Variants in PMP22 observed in about 807,000 individuals in gnomAD.
The protein encoded by PMP22 is peripheral myelin protein 22, also known as Charcot-Marie-Tooth neuropathy 1A (greatly reduced nerve conduction velocity, hereditary motor sensory neuropathy Ia).
PMP22 carries 2 observed loss-of-function variants against 18.9 expected under a neutral mutation model. The ratio of observed to expected loss-of-function variants is 0.11; its 90% confidence interval spans 0.04 to 0.33. The LOEUF (loss-of-function observed/expected upper bound fraction) is 0.33. Among genes scored for constraint, PMP22 ranks in the 10% least tolerant of loss-of-function variants. The pLI is 1.00. For missense variants in PMP22, 169 were observed against 202.2 expected, an observed-to-expected ratio of 0.84 and a Z score of 1.00; for synonymous variants, 95 against 89.2, an observed-to-expected ratio of 1.07 and a Z score of -0.37.
intron 3 of PMP22, among the ~76,000 whole-genome samples, chr17:15,242,693 A>G (rs914336145): frequency 6.6e-6 from 1 of 152,180 alleles, no homozygotes; most frequent in Non-Finnish European, 1.5e-5. Context: ...TAGATTACAT[A>G]AGAGGATTAA....
intron 3 of PMP22, among the ~76,000 whole-genome samples, chr17:15,244,910 A>G (rs1285844737): frequency 1.3e-5 from 2 of 152,198 alleles, no homozygotes; most frequent in Non-Finnish European, 2.9e-5. Context: ...ATTAAAACCA[A>G]TTTAAAAGAT....
Position 15,229,927 on chromosome 17 carries a change from T to G in PMP22, c.*990A>C, listed in dbSNP as rs1906164358. 6.6e-6 allele frequency: 1 copy of G among 152,618 alleles called. No homozygotes were observed. Among genetic ancestry groups the G allele is most frequent in the Non-Finnish European group, 1.5e-5 (1 of 68,060 alleles). The allele number at this position is 152,618 out of a possible 1,614,324, so 9.5% of individuals were successfully genotyped here. On this transcript the variant is annotated 3_prime_UTR_variant, in exon 5 of 5. Transcript: ENST00000312280. ...ACAGTTGGTGGCCAATACAAGTCAT[T>G]GCCAGACAGTCCTTGGAGGCACAGA...
At chr17:15,252,385 T>G (rs1004911619) in intron 3 of PMP22, among the ~76,000 whole-genome samples, 2 of 144,718 alleles carry the variant, frequency 1.4e-5, no homozygotes, top group South Asian at 2.3e-4. Context: ...TTGATAGTCA[T>G]GAGTTTGCTG....
intron 3 of PMP22, among the ~76,000 whole-genome samples, chr17:15,252,306 T>C (rs1328850129): frequency 6.6e-6 from 1 of 152,196 alleles, no homozygotes; most frequent in Non-Finnish European, 1.5e-5. Context: ...TGGGGGCTGC[T>C]GAGACTGGCA....
intron 3 of PMP22, among the ~76,000 whole-genome samples, chr17:15,241,625 T>C: frequency 6.6e-6 from 1 of 152,300 alleles, no homozygotes; most frequent in Middle Eastern, 3.4e-3. Context: ...AATCTTTATA[T>C]GTTAAATCTA....
intron 4 of PMP22, among the ~76,000 whole-genome samples, chr17:15,237,385 G>A (rs1393736591): frequency 6.6e-6 from 1 of 152,178 alleles, no homozygotes; most frequent in Non-Finnish European, 1.5e-5. Flanking sequence ...GAAGATGAAG[G>A]TACTGGCTAT....
At chr17:15,260,877 C>T in intron 1 of PMP22, 116 bp from the exon 2 acceptor site, 1 of 695,686 alleles carries the variant, frequency 1.4e-6, no homozygotes, top group Non-Finnish European at 2.4e-6. Context: ...GCGCCCGCAG[C>T]CCGACCGCCC....
chr17:15,232,736 A>G (rs1343252225), intron 4 of PMP22: 1 of 152,238 alleles, frequency 6.6e-6, no homozygotes, highest in South Asian at 2.1e-4. Flanking sequence ...CAGATCTGGC[A>G]TGAGAAATGC....
intron 3 of PMP22, among the ~76,000 whole-genome samples, chr17:15,244,689 C>T (rs1907639293): frequency 6.6e-6 from 1 of 152,118 alleles, no homozygotes; most frequent in Non-Finnish European, 1.5e-5. Flanking sequence ...CACAACATGT[C>T]ATCATTATGA....
intron 4 of PMP22, among the ~76,000 whole-genome samples, chr17:15,233,290 C>G (rs570112249): frequency 1.3e-5 from 2 of 152,152 alleles, no homozygotes; most frequent in East Asian, 3.9e-4. Context: ...TGGCAATGAC[C>G]GGGACTCCCT....
chr17:15,257,616 T>C (rs779578547), intron 3 of PMP22, among the ~76,000 whole-genome samples: 3 of 152,226 alleles, frequency 2.0e-5, no homozygotes, highest in Non-Finnish European at 4.4e-5. Flanking sequence ...GCTGTGGCTT[T>C]GGGGACAAGC....
chr17:15,231,172 G>A, intron 4 of PMP22, 92 bp from the exon 5 acceptor site: 1 of 1,272,402 alleles, frequency 7.9e-7, no homozygotes. Context: ...TTGCTGGGTA[G>A]GAAGAACATT....
chr17:15,238,419 C>G (rs764427560), intron 4 of PMP22, among the ~76,000 whole-genome samples: 116 of 152,276 alleles, frequency 7.6e-4, no homozygotes, highest in Admixed American at 2.1e-3. Context: ...CATGGGCATT[C>G]TGACAACCAA....
chr17:15,243,053 T>C (rs1907490972), intron 3 of PMP22, among the ~76,000 whole-genome samples: 1 of 152,092 alleles, frequency 6.6e-6, no homozygotes, highest in South Asian at 2.1e-4. Flanking sequence ...GAGGACAATG[T>C]ATACACTTCT....
intron 3 of PMP22, among the ~76,000 whole-genome samples, chr17:15,250,538 A>C (rs1908244947): frequency 1.3e-5 from 2 of 152,146 alleles, no homozygotes; most frequent in South Asian, 4.1e-4. Context: ...ATAAATCCTG[A>C]TTTCTACACC....
At chr17:15,235,812 G>A (rs1202237206) in intron 4 of PMP22, among the ~76,000 whole-genome samples, 1 of 152,002 alleles carries the variant, frequency 6.6e-6, no homozygotes, top group Non-Finnish European at 1.5e-5. Flanking sequence ...GAGTGCAGTG[G>A]CATGATCTTG....
rs1241568983 is a variant in PMP22 at position 15,230,107 on chromosome 17, A to C, written c.*810T>G. The C allele has an allele frequency of 6.5e-6, 1 of 152,688 alleles. No homozygotes were observed. Among genetic ancestry groups the C allele is most frequent in the East Asian group, 1.9e-4 (1 of 5,202 alleles). 9.5% of individuals were successfully genotyped at this position (152,688 alleles called of 1,614,324 possible). ...TAGCAGCCTAGCTAGGTACAAAAGCAGTTATAAACCATTTATATTACACAG... is the reference window on the plus strand; with the variant it reads ...TAGCAGCCTAGCTAGGTACAAAAGCCGTTATAAACCATTTATATTACACAG... On this transcript the variant is annotated 3_prime_UTR_variant, in exon 5 of 5. Coordinates refer to ENST00000312280, the MANE Select transcript of PMP22 (RefSeq NM_000304.4).
rs754766936 is a variant in PMP22, at chr17:15,239,458, A to T, written c.319+13T>A. The T allele has an allele frequency of 6.2e-7, 1 of 1,614,194 alleles. No individual in the cohort carries two copies. The highest frequency in any genetic ancestry group is 8.5e-7 in the Non-Finnish European group (1 of 1,179,990). On this transcript the variant is annotated intron_variant, in intron 4 of 4. Coordinates refer to ENST00000312280, the MANE Select transcript of PMP22 (RefSeq NM_000304.4). ...ACCCCGCTTCCACATGGACTTTACC[A>T]TCCACAACTTACCAGCAAGAATTTG...
chr17:15,243,391 T>C (rs1205407524), intron 3 of PMP22, among the ~76,000 whole-genome samples: 3 of 151,850 alleles, frequency 2.0e-5, no homozygotes, highest in Non-Finnish European at 2.9e-5. Flanking sequence ...CTAATCCATA[T>C]TGCAACTGGA....
Sources: allele counts gnomAD v4.1 joint callset (sites outside exome capture counted in the v4.1 genomes callset), GRCh38; gene constraint gnomAD v4.1.1; transcripts MANE v1.5; gene names NCBI Gene and HGNC (gene_info 2026-07-23, HGNC 2026-07-21).